Variants in GRM8 observed in about 807,000 individuals in gnomAD.
GRM8 encodes metabotropic glutamate receptor 8.
A neutral mutation model predicts 87.2 loss-of-function variants in GRM8; 47 were observed. That is an observed-to-expected ratio of 0.54 (90% CI 0.43 to 0.69). The LOEUF (loss-of-function observed/expected upper bound fraction) is 0.69. Among genes scored for constraint, GRM8 ranks in the 30% least tolerant of loss-of-function variants. The pLI, the probability that GRM8 is intolerant of heterozygous loss-of-function variation, is 0.00. For synonymous variants in GRM8, 396 were observed against 404.5 expected, an observed-to-expected ratio of 0.98 and a Z score of 0.25; for missense variants, 1,019 against 1,139.2, an observed-to-expected ratio of 0.89 and a Z score of 1.52.
At chr7:126,544,856 G>A (rs944318434) in intron 8 of GRM8, among the ~76,000 whole-genome samples, 1 of 152,038 alleles carries the variant, frequency 6.6e-6, no homozygotes. Flanking sequence ...AACTCTGCAG[G>A]TTCCTTTATT....
intron 7 of GRM8, among the ~76,000 whole-genome samples, chr7:126,686,529 C>T (rs1170215916): frequency 6.6e-6 from 1 of 152,188 alleles, no homozygotes; most frequent in Non-Finnish European, 1.5e-5. Flanking sequence ...TTCGCTGGTG[C>T]CAGCTGGAGA....
At chr7:126,854,750 C>G (rs996638766) in intron 6 of GRM8, among the ~76,000 whole-genome samples, 2 of 152,200 alleles carry the variant, frequency 1.3e-5, no homozygotes, top group African/African-American at 4.8e-5. Context: ...TCTCTTAAAC[C>G]ATTACCTACC....
At chr7:127,005,180 T>C (rs1814162579) in intron 3 of GRM8, among the ~76,000 whole-genome samples, 1 of 151,078 alleles carries the variant, frequency 6.6e-6, no homozygotes, top group Non-Finnish European at 1.5e-5. Flanking sequence ...TCCATATTTG[T>C]AGAAGCCCAA....
chr7:126,861,386 T>G (rs574158084), intron 6 of GRM8, among the ~76,000 whole-genome samples: 6 of 152,172 alleles, frequency 3.9e-5, no homozygotes, highest in African/African-American at 1.4e-4. Flanking sequence ...ATGCAGCTAT[T>G]AACATCCATG....
At chr7:127,059,195 G>A (rs1820338508) in intron 3 of GRM8, among the ~76,000 whole-genome samples, 1 of 151,874 alleles carries the variant, frequency 6.6e-6, no homozygotes, top group Admixed American at 6.6e-5. Flanking sequence ...AATAGGCAGA[G>A]AAGAAAAAAA....
intron 7 of GRM8, among the ~76,000 whole-genome samples, chr7:126,667,307 G>A (rs187918416): frequency 9.2e-5 from 14 of 152,272 alleles, no homozygotes; most frequent in African/African-American, 3.4e-4. Flanking sequence ...AACATTGTAC[G>A]TGGAAGTAGC....
intron 3 of GRM8, among the ~76,000 whole-genome samples, chr7:126,949,510 C>T (rs1807905903): frequency 6.6e-6 from 1 of 152,130 alleles, no homozygotes; most frequent in South Asian, 2.1e-4. Flanking sequence ...ATATATATTA[C>T]AGGTTTATTT....
At position 127,113,306 on chromosome 7, in the gene GRM8, C is replaced by T. The variant is rs568855807; in HGVS notation, c.511-6594G>A. Reference sequence around the variant, plus strand: ...GGAAGCCAAGACACCCCTGACAAGGCTAGCAAAAAGCCACCTAAAGCACAG... The same window carrying T: ...GGAAGCCAAGACACCCCTGACAAGGTTAGCAAAAAGCCACCTAAAGCACAG... On this transcript the variant is annotated intron_variant, in intron 2 of 10. Transcript: ENST00000339582. Among the ~76,000 whole-genome samples the T allele has an allele frequency of 1.8e-4, 28 of 152,230 alleles. No individual in the cohort carries two copies. The South Asian group carries it at 5.8e-3, about 32-fold the overall frequency.
At chr7:126,881,378 G>T (rs576796924) in intron 6 of GRM8, among the ~76,000 whole-genome samples, 13 of 152,312 alleles carry the variant, frequency 8.5e-5, no homozygotes, top group South Asian at 4.1e-4. Context: ...GAAAGGACAT[G>T]ATCACGGCCA....
intron 7 of GRM8, among the ~76,000 whole-genome samples, chr7:126,675,253 A>T (rs184276747): frequency 6.6e-6 from 1 of 152,164 alleles, no homozygotes; most frequent in Non-Finnish European, 1.5e-5. Context: ...CTTAAAAAAA[A>T]ATCTCCCTAC....
chr7:126,825,685 A>C (rs1794700782), intron 6 of GRM8, among the ~76,000 whole-genome samples: 1 of 152,078 alleles, frequency 6.6e-6, no homozygotes, highest in Admixed American at 6.5e-5. Flanking sequence ...AATATGAAAA[A>C]CCTAAACATT....
At chr7:126,777,644 CA>C (rs1204676047) in intron 6 of GRM8, among the ~76,000 whole-genome samples, 1 of 151,852 alleles carries the variant, frequency 6.6e-6, no homozygotes, top group Non-Finnish European at 1.5e-5. Flanking sequence ...TAGTAGGAGT[CA>C]AAAAATATTA....
chr7:126,753,604 A>G (rs1816679648), intron 7 of GRM8, among the ~76,000 whole-genome samples: 1 of 151,872 alleles, frequency 6.6e-6, no homozygotes, highest in African/African-American at 2.4e-5. Context: ...ATTTATCATC[A>G]AAGAAATTTT....
At chr7:126,821,004 AG>A (rs1414872206) in intron 6 of GRM8, among the ~76,000 whole-genome samples, 1 of 152,220 alleles carries the variant, frequency 6.6e-6, no homozygotes, top group Non-Finnish European at 1.5e-5. Flanking sequence ...CAGGAGGCTG[AG>A]GCAGAAGAAC....
intron 8 of GRM8, among the ~76,000 whole-genome samples, chr7:126,571,572 C>T (rs750755408): frequency 3.3e-5 from 5 of 152,004 alleles, no homozygotes; most frequent in Non-Finnish European, 7.4e-5. Flanking sequence ...CTGGCCCTTC[C>T]CATAGGAACA....
chr7:127,189,845 T>C (rs1359116391), intron 2 of GRM8, among the ~76,000 whole-genome samples: 1 of 152,098 alleles, frequency 6.6e-6, no homozygotes, highest in African/African-American at 2.4e-5. Context: ...CAGCAACTCA[T>C]CCCCACTGCT....
chr7:126,635,983 G>A (rs1801813683), intron 7 of GRM8, among the ~76,000 whole-genome samples: 1 of 152,004 alleles, frequency 6.6e-6, no homozygotes, highest in South Asian at 2.1e-4. Flanking sequence ...GGTAAATGGG[G>A]CTGGCATTTC....
chr7:126,559,452 CATA>C (rs1182251088), intron 8 of GRM8, among the ~76,000 whole-genome samples: 2 of 152,126 alleles, frequency 1.3e-5, no homozygotes, highest in African/African-American at 4.8e-5. Flanking sequence ...GGATTACAGG[CATA>C]CGCCACCACA....
intron 3 of GRM8, among the ~76,000 whole-genome samples, chr7:126,929,583 G>T (rs1199520026): frequency 6.6e-6 from 1 of 152,010 alleles, no homozygotes; most frequent in Admixed American, 6.6e-5. Flanking sequence ...GCAGGCACAG[G>T]CCACTATGCC....
Sources: gnomAD v4.1 joint callset for allele counts (sites outside exome capture counted in the v4.1 genomes callset) on GRCh38, gnomAD v4.1.1 for gene constraint, MANE v1.5 for transcripts, NCBI Gene and HGNC (gene_info 2026-07-23, HGNC 2026-07-21) for gene names.